Variants in BBS9 observed in about 807,000 individuals in gnomAD.
BBS9 encodes the protein protein PTHB1.
A neutral mutation model predicts 117.7 loss-of-function variants in BBS9; 89 were observed. That is an observed-to-expected ratio of 0.76 (90% CI 0.64 to 0.90). The LOEUF (loss-of-function observed/expected upper bound fraction) is 0.90, where lower values mean the gene tolerates loss of function less well. Ranked by LOEUF, BBS9 falls within the 40% of genes least tolerant of loss-of-function variation. BBS9 has a pLI of 0.00. For missense variants in BBS9, 982 were observed against 1,042.2 expected (o/e 0.94, Z 0.80); for synonymous variants, 379 against 370.9 (o/e 1.02, Z -0.25).
chr7:33,358,901 T>C (rs1820117457), intron 16 of BBS9, among the ~76,000 whole-genome samples: 3 of 151,918 alleles, frequency 2.0e-5, no homozygotes, highest in Admixed American at 2.0e-4. Context: ...GTGCTTAAAA[T>C]TTATTTTTTA....
intron 4 of BBS9, among the ~76,000 whole-genome samples, chr7:33,175,424 A>T (rs1266280241): frequency 1.3e-5 from 2 of 152,190 alleles, no homozygotes; most frequent in African/African-American, 2.4e-5. Flanking sequence ...TTCCTCTTTT[A>T]ACTATTAAAA....
intron 19 of BBS9, among the ~76,000 whole-genome samples, chr7:33,491,909 G>C (rs890714945): frequency 6.6e-6 from 1 of 151,898 alleles, no homozygotes; most frequent in Non-Finnish European, 1.5e-5. Context: ...TTTATTAAAG[G>C]ATATGTTGGG....
intron 21 of BBS9, among the ~76,000 whole-genome samples, chr7:33,567,232 A>T (rs934507839): frequency 2.0e-5 from 3 of 152,150 alleles, no homozygotes; most frequent in Non-Finnish European, 4.4e-5. Flanking sequence ...GACCTGAAAA[A>T]TATATAAACT....
At chr7:33,174,562 C>T (rs1797051511) in intron 4 of BBS9, among the ~76,000 whole-genome samples, 1 of 152,144 alleles carries the variant, frequency 6.6e-6, no homozygotes, top group African/African-American at 2.4e-5. Context: ...GCATTCACCC[C>T]ATTTGAACAT....
intron 19 of BBS9, 92 bp downstream of exon 19, chr7:33,388,236 C>T: frequency 6.8e-7 from 1 of 1,472,644 alleles, no homozygotes; most frequent in Non-Finnish European, 9.5e-7. Context: ...AGATAAGGTA[C>T]TCATTTCCAG....
At chr7:33,479,889 T>C (rs1397246225) in intron 19 of BBS9, among the ~76,000 whole-genome samples, 1 of 152,224 alleles carries the variant, frequency 6.6e-6, no homozygotes, top group Non-Finnish European at 1.5e-5. Context: ...TGTCTGTTCA[T>C]GTTCTTTGCC....
At chr7:33,155,946 C>T (rs1313193994) in intron 4 of BBS9, among the ~76,000 whole-genome samples, 1 of 152,116 alleles carries the variant, frequency 6.6e-6, no homozygotes, top group African/African-American at 2.4e-5. Context: ...TCTTAATCAC[C>T]TGCCTCTCCA....
intron 20 of BBS9, among the ~76,000 whole-genome samples, chr7:33,514,195 C>T (rs1453263385): frequency 6.6e-6 from 1 of 152,166 alleles, no homozygotes; most frequent in Non-Finnish European, 1.5e-5. Context: ...TGGTGGAACT[C>T]ACGGAGTATT....
chr7:33,479,947 T>G (rs907309807), intron 19 of BBS9, among the ~76,000 whole-genome samples: 4 of 152,202 alleles, frequency 2.6e-5, no homozygotes, highest in African/African-American at 9.6e-5. Context: ...TTAAGTTCCT[T>G]ATAGATTCTG....
intron 9 of BBS9, among the ~76,000 whole-genome samples, chr7:33,295,363 A>G (rs1403873591): frequency 6.6e-6 from 1 of 152,084 alleles, no homozygotes; most frequent in Non-Finnish European, 1.5e-5. Flanking sequence ...TTCAAAGACT[A>G]CAGATTATGT....
At chr7:33,559,179 A>T (rs1261136858) in intron 21 of BBS9, among the ~76,000 whole-genome samples, 2 of 152,208 alleles carry the variant, frequency 1.3e-5, no homozygotes, top group Non-Finnish European at 2.9e-5. Context: ...ATCTTCGTAG[A>T]TGATTTCCTA....
At chr7:33,434,291 A>C (rs551868555) in intron 19 of BBS9, among the ~76,000 whole-genome samples, 8 of 151,990 alleles carry the variant, frequency 5.3e-5, no homozygotes, top group Admixed American at 3.9e-4. Context: ...AAAAAAAAAA[A>C]AACTCCGTTT....
intron 9 of BBS9, among the ~76,000 whole-genome samples, chr7:33,327,252 A>G (rs1031970835): frequency 1.3e-5 from 2 of 152,158 alleles, no homozygotes; most frequent in Non-Finnish European, 2.9e-5. Flanking sequence ...AGACTCTTGT[A>G]AGGATTTGAG....
At chr7:33,558,131 C>T (rs1855559887) in intron 21 of BBS9, among the ~76,000 whole-genome samples, 1 of 152,194 alleles carries the variant, frequency 6.6e-6, no homozygotes, top group Admixed American at 6.5e-5. Context: ...TGAATACGTA[C>T]TCTGTGCCCA....
At chr7:33,505,289 AGAAG>A (rs1475598290) in intron 19 of BBS9, among the ~76,000 whole-genome samples, 170 bp from the exon 20 acceptor site, 2 of 152,024 alleles carry the variant, frequency 1.3e-5, no homozygotes, top group African/African-American at 4.8e-5. Flanking sequence ...TTTTTTTTAA[AGAAG>A]GAAGTGAGCA....
chr7:33,500,121 C>T (rs1845241255), intron 19 of BBS9, among the ~76,000 whole-genome samples: 1 of 152,198 alleles, frequency 6.6e-6, no homozygotes. Flanking sequence ...TATAATGTAA[C>T]TTTGGGCAGT....
At chr7:33,489,190 C>T (rs1843554214) in intron 19 of BBS9, among the ~76,000 whole-genome samples, 2 of 151,670 alleles carry the variant, frequency 1.3e-5, no homozygotes, top group Non-Finnish European at 1.5e-5. Flanking sequence ...GATGGGGTTT[C>T]GCCATGTTGG....
At chr7:33,343,842 T>A (rs1817016279) in intron 11 of BBS9, among the ~76,000 whole-genome samples, 1 of 150,764 alleles carries the variant, frequency 6.6e-6, no homozygotes, top group African/African-American at 2.4e-5. Flanking sequence ...CTTTATATCA[T>A]TAGCTGCATG....
chr7:33,590,753 A>T (rs1861771146), intron 21 of BBS9, among the ~76,000 whole-genome samples: 1 of 151,842 alleles, frequency 6.6e-6, no homozygotes, highest in Non-Finnish European at 1.5e-5. Flanking sequence ...ACATCCATTT[A>T]CTCACTTAAT....
Sources: allele counts gnomAD v4.1 joint callset (sites outside exome capture counted in the v4.1 genomes callset), GRCh38; gene constraint gnomAD v4.1.1; transcripts MANE v1.5; gene names NCBI Gene and HGNC (gene_info 2026-07-23, HGNC 2026-07-21).